The following FAR2 variants were observed in gnomAD, a reference collection of about 807,000 sequenced individuals.
The protein encoded by FAR2 is epididymis secretory protein Li 81.
In FAR2, 19 loss-of-function variants were observed where a neutral mutation model predicts 56.0. That is an observed-to-expected ratio of 0.34 (90% CI 0.24 to 0.50). The LOEUF (loss-of-function observed/expected upper bound fraction) is 0.50, where lower values mean the gene tolerates loss of function less well. Among genes scored for constraint, FAR2 ranks in the 20% least tolerant of loss-of-function variants. FAR2 has a pLI of 0.98. For missense variants in FAR2, 508 were observed against 642.2 expected, an observed-to-expected ratio of 0.79 and a Z score of 2.26; for synonymous variants, 219 against 218.8, an observed-to-expected ratio of 1.00 and a Z score of -0.01.
At chr12:29,271,866 G>A (rs1948624110) in intron 2 of FAR2, among the ~76,000 whole-genome samples, 2 of 152,118 alleles carry the variant, frequency 1.3e-5, no homozygotes, top group South Asian at 4.1e-4. Context: ...TTATAGATGG[G>A]GAAACTGAGG....
intron 1 of FAR2, among the ~76,000 whole-genome samples, chr12:29,241,591 C>T (rs1948036292): frequency 6.6e-6 from 1 of 152,108 alleles, no homozygotes; most frequent in Admixed American, 6.5e-5. Context: ...TTTTTGCAGA[C>T]TTTATCACAA....
chr12:29,326,098 C>A (rs1469418306), intron 10 of FAR2, among the ~76,000 whole-genome samples: 1 of 150,376 alleles, frequency 6.6e-6, no homozygotes, highest in Non-Finnish European at 1.5e-5. Context: ...GAAATACAAA[C>A]TACCATCAGA....
intron 1 of FAR2, among the ~76,000 whole-genome samples, chr12:29,253,137 G>A (rs1306984529): frequency 6.6e-6 from 1 of 151,218 alleles, no homozygotes; most frequent in African/African-American, 2.4e-5. Flanking sequence ...CCACAACTGT[G>A]TGAGACGACT....
At chr12:29,181,687 C>T (rs1205697923) in intron 1 of FAR2, among the ~76,000 whole-genome samples, 1 of 152,224 alleles carries the variant, frequency 6.6e-6, no homozygotes, top group African/African-American at 2.4e-5. Flanking sequence ...TAGGGTAAAT[C>T]TGCCCATCTG....
At chr12:29,312,304 C>G (rs1949366736) in intron 8 of FAR2, among the ~76,000 whole-genome samples, 1 of 152,158 alleles carries the variant, frequency 6.6e-6, no homozygotes, top group Non-Finnish European at 1.5e-5. Flanking sequence ...CACACCCCTT[C>G]CCTTCTTGAT....
chr12:29,330,850 G>A (rs7959145), intron 10 of FAR2, among the ~76,000 whole-genome samples: 95,675 of 151,912 alleles, frequency 0.63, 31,380 homozygotes, highest in African/African-American at 0.82. Flanking sequence ...ATCAAAGACT[G>A]ATTGTCTGAA....
At chr12:29,268,857 G>A (rs969485885) in intron 1 of FAR2, among the ~76,000 whole-genome samples, 29 of 152,178 alleles carry the variant, frequency 1.9e-4, no homozygotes, top group Middle Eastern at 3.4e-3. Flanking sequence ...CCCACAAGCC[G>A]CAAAAACCAG....
chr12:29,222,111 A>T (rs1947702366), intron 1 of FAR2, among the ~76,000 whole-genome samples: 1 of 152,130 alleles, frequency 6.6e-6, no homozygotes, highest in Admixed American at 6.6e-5. Context: ...GGCCTCCCAA[A>T]GTGCTAGGAT....
intron 3 of FAR2, among the ~76,000 whole-genome samples, chr12:29,296,019 C>A (rs1460450408): frequency 6.6e-6 from 1 of 151,904 alleles, no homozygotes; most frequent in Non-Finnish European, 1.5e-5. Context: ...CCACCCGCCT[C>A]GGCCTCCCAA....
chr12:29,186,113 T>C (rs1423916267), intron 1 of FAR2, among the ~76,000 whole-genome samples: 3 of 152,210 alleles, frequency 2.0e-5, no homozygotes, highest in Non-Finnish European at 4.4e-5. Flanking sequence ...TTTAACCCTG[T>C]CTACATAAAC....
intron 1 of FAR2, among the ~76,000 whole-genome samples, chr12:29,154,744 T>G (rs781578563): frequency 8.6e-5 from 13 of 151,370 alleles, no homozygotes; most frequent in Non-Finnish European, 1.6e-4. Flanking sequence ...CCAGTTTTAT[T>G]GCAGGAATCC....
At chr12:29,267,464 A>T (rs990978445) in intron 1 of FAR2, among the ~76,000 whole-genome samples, 1 of 152,202 alleles carries the variant, frequency 6.6e-6, no homozygotes, top group African/African-American at 2.4e-5. Flanking sequence ...CTGAGGTCAC[A>T]CAGCTAATAA....
intron 1 of FAR2, among the ~76,000 whole-genome samples, chr12:29,267,897 A>G (rs1410844847): frequency 6.6e-6 from 1 of 152,142 alleles, no homozygotes; most frequent in African/African-American, 2.4e-5. Context: ...TCTTGTTTAT[A>G]TGTTTATTTG....
intron 1 of FAR2, among the ~76,000 whole-genome samples, chr12:29,255,315 A>T (rs1005799322): frequency 6.6e-6 from 1 of 152,128 alleles, no homozygotes; most frequent in Non-Finnish European, 1.5e-5. Context: ...CCCTCTGCTT[A>T]TGAGGACATC....
intron 1 of FAR2, among the ~76,000 whole-genome samples, chr12:29,191,764 C>G (rs967709671): frequency 2.0e-5 from 3 of 152,156 alleles, no homozygotes; most frequent in African/African-American, 7.2e-5. Context: ...TTGCATTTAC[C>G]TGGTGTATGC....
At chr12:29,274,827 C>T (rs1163758111) in intron 2 of FAR2, among the ~76,000 whole-genome samples, 3 of 142,852 alleles carry the variant, frequency 2.1e-5, no homozygotes, top group African/African-American at 5.8e-5. Context: ...TCCTATAAAA[C>T]GGCCCCCACC....
chr12:29,291,763 T>C (rs964507816), intron 2 of FAR2, among the ~76,000 whole-genome samples: 2 of 152,206 alleles, frequency 1.3e-5, no homozygotes, highest in Non-Finnish European at 2.9e-5. Context: ...ATTCAGGACA[T>C]GGCACTATTA....
chr12:29,316,966 G>A lies in FAR2; in HGVS notation c.1081G>A (p.Ala361Thr). 1.9e-6 allele frequency: 3 copies of A among 1,613,956 alleles called. No homozygotes were observed. The highest frequency in any genetic ancestry group is 2.5e-6 in the Non-Finnish European group (3 of 1,179,898). ...YWNAVSHRAPAIIYDCYLRLT... is the reference protein window; with the variant it reads ...YWNAVSHRAPTIIYDCYLRLT... ...GAATGCGGTCAGCCACCGGGCCCCTGCCATTATCTATGACTGCTATCTGCG... is the reference window on the plus strand; with the variant it reads ...GAATGCGGTCAGCCACCGGGCCCCTACCATTATCTATGACTGCTATCTGCG... The change falls in exon 9 of 12, where the codon GCC becomes ACC. Residue 361 changes from alanine (A) to threonine (T), a missense_variant. By Grantham distance (58) the Ala-to-Thr change is moderately conservative. Transcript: ENST00000536681.
At chr12:29,238,737 T>C (rs1422482947) in intron 1 of FAR2, among the ~76,000 whole-genome samples, 1 of 152,206 alleles carries the variant, frequency 6.6e-6, no homozygotes, top group African/African-American at 2.4e-5. Flanking sequence ...ATATGCTTTA[T>C]ATATTTCAAC....
Sources: gnomAD v4.1 joint callset for allele counts (sites outside exome capture counted in the v4.1 genomes callset) on GRCh38, gnomAD v4.1.1 for gene constraint, MANE v1.5 for transcripts, NCBI Gene and HGNC (gene_info 2026-07-23, HGNC 2026-07-21) for gene names.